The following EYA1 variants were observed in gnomAD, a reference collection of about 807,000 sequenced individuals.
The protein encoded by EYA1 is EYA transcriptional coactivator and phosphatase 1.
A neutral mutation model predicts 82.0 loss-of-function variants in EYA1; 16 were observed. The observed-to-expected ratio is 0.20, with a 90% CI of 0.13 to 0.30. The LOEUF is 0.30. EYA1 is among the 10% of genes least tolerant of loss of function. The pLI is 1.00. For synonymous variants in EYA1, 261 were observed against 264.4 expected (o/e 0.99, Z 0.12); for missense variants, 633 against 730.7 (o/e 0.87, Z 1.54).
rs75980943 is a variant in EYA1 at position 71,435,227 on chromosome 8, G to T, written c.34-78716C>A. Among the ~76,000 whole-genome samples the T allele has an allele frequency of 7.8e-4, 119 of 152,114 alleles. 2 individuals carry two copies. The East Asian group carries it at 0.021, about 27-fold the overall frequency. On this transcript the variant is annotated intron_variant, in intron 2 of 18. Coordinates refer to the EYA1 transcript ENST00000643681. ...ACTCACATGATCCATAATGACAGCT[G>T]CCCCGTGGAATCTCTTACATTGCAA...
intron 3 of EYA1, among the ~76,000 whole-genome samples, chr8:71,352,508 C>T (rs1401179584): frequency 6.6e-6 from 1 of 152,246 alleles, no homozygotes; most frequent in African/African-American, 2.4e-5. Context: ...ACTTCACTTG[C>T]TAACCACCAC....
intron 2 of EYA1, among the ~76,000 whole-genome samples, chr8:71,377,612 C>T (rs1017636914): frequency 1.3e-5 from 2 of 152,106 alleles, no homozygotes; most frequent in African/African-American, 2.4e-5. Flanking sequence ...TACCATTTTA[C>T]ACATTTTTAA....
At chr8:71,498,590 T>C (rs1198685436) in intron 2 of EYA1, among the ~76,000 whole-genome samples, 1 of 152,052 alleles carries the variant, frequency 6.6e-6, no homozygotes, top group Non-Finnish European at 1.5e-5. Flanking sequence ...CAAGACCACA[T>C]GGCTAGACAA....
At chr8:71,457,005 T>C (rs991846402) in intron 2 of EYA1, among the ~76,000 whole-genome samples, 1 of 152,114 alleles carries the variant, frequency 6.6e-6, no homozygotes, top group Non-Finnish European at 1.5e-5. Flanking sequence ...TTTTGCAATC[T>C]ACTCATCTGA....
chr8:71,414,170 T>A (rs887216569), intron 2 of EYA1, among the ~76,000 whole-genome samples: 1 of 152,204 alleles, frequency 6.6e-6, no homozygotes, highest in Non-Finnish European at 1.5e-5. Flanking sequence ...AGTTGGATTC[T>A]GGCTGTCCCA....
intron 9 of EYA1, among the ~76,000 whole-genome samples, chr8:71,283,568 C>G (rs1264003680): frequency 6.6e-6 from 1 of 151,774 alleles, no homozygotes; most frequent in Non-Finnish European, 1.5e-5. Context: ...TGGAGCATCT[C>G]TGGTTCACAC....
chr8:71,356,471 G>C lies in EYA1; in HGVS notation c.-14C>G. ...TCAACAATATCCTTACCTGCAACTT[G>C]AGGAAACAGCAACATCTGAACTGGC... is the stretch of plus-strand genomic sequence containing the variant. On this transcript the variant is annotated 5_prime_UTR_variant, in exon 2 of 18. Coordinates refer to ENST00000340726, the MANE Select transcript of EYA1 (RefSeq NM_000503.6). 1 of 1,585,290 alleles carries C rather than the reference G, an allele frequency of 6.3e-7. No individual in the cohort carries two copies. The highest frequency in any genetic ancestry group is 8.6e-7 in the Non-Finnish European group (1 of 1,164,710).
At chr8:71,207,230 G>A (rs1807904552) in intron 17 of EYA1, among the ~76,000 whole-genome samples, 1 of 152,108 alleles carries the variant, frequency 6.6e-6, no homozygotes, top group Non-Finnish European at 1.5e-5. Context: ...CTCTACTTCT[G>A]TGCAGCACTC....
At chr8:71,499,266 T>C (rs561553542) in intron 2 of EYA1, among the ~76,000 whole-genome samples, 7 of 152,332 alleles carry the variant, frequency 4.6e-5, no homozygotes, top group African/African-American at 1.7e-4. Context: ...ATGACTTCCC[T>C]TTAAACACCT....
At chr8:71,274,225 C>T (rs1816868852) in intron 9 of EYA1, among the ~76,000 whole-genome samples, 1 of 152,172 alleles carries the variant, frequency 6.6e-6, no homozygotes. Context: ...TACACCCACA[C>T]CCGTACCTTG....
At chr8:71,510,108 T>G (rs1303247774) in intron 2 of EYA1, among the ~76,000 whole-genome samples, 1 of 152,046 alleles carries the variant, frequency 6.6e-6, no homozygotes, top group African/African-American at 2.4e-5. Flanking sequence ...GTGACTTACT[T>G]TGGCCAATGA....
intron 6 of EYA1, 150 bp from the exon 7 acceptor site, chr8:71,317,839 A>G (rs1452317272): frequency 4.0e-6 from 3 of 749,920 alleles, no homozygotes; most frequent in Non-Finnish European, 4.7e-6. Context: ...GTGAAATACC[A>G]TAAAGTACAA....
intron 2 of EYA1, among the ~76,000 whole-genome samples, chr8:71,380,919 C>G (rs1025040664): frequency 5.3e-5 from 8 of 152,214 alleles, no homozygotes; most frequent in African/African-American, 1.9e-4. Flanking sequence ...CCTTGCCCAC[C>G]TTGTGTTGCT....
intron 3 of EYA1, among the ~76,000 whole-genome samples, chr8:71,345,883 G>A (rs997849898): frequency 1.3e-5 from 2 of 152,092 alleles, no homozygotes. Flanking sequence ...CACAGCTCCT[G>A]TACAGTTGAA....
chr8:71,398,699 A>T (rs67678248), intron 2 of EYA1, among the ~76,000 whole-genome samples: 1 of 152,102 alleles, frequency 6.6e-6, no homozygotes, highest in Non-Finnish European at 1.5e-5. Context: ...GCTGTCAGTC[A>T]GTCCCTACTG....
At chr8:71,535,752 C>T in exon 2 of EYA1, 1 of 1,520,786 alleles carries the variant, frequency 6.6e-7, no homozygotes, top group Non-Finnish European at 8.8e-7. Context: ...ACAGACTGTC[C>T]ATTTATCCCC....
intron 3 of EYA1, among the ~76,000 whole-genome samples, chr8:71,341,099 T>A (rs1019115274): frequency 6.6e-6 from 1 of 152,224 alleles, no homozygotes; most frequent in Non-Finnish European, 1.5e-5. Context: ...CACATTAGCA[T>A]AAACTATCAA....
At chr8:71,330,925 G>A (rs1204919452) in intron 4 of EYA1, among the ~76,000 whole-genome samples, 2 of 151,780 alleles carry the variant, frequency 1.3e-5, no homozygotes, top group African/African-American at 2.4e-5. Context: ...TGTGTATGAT[G>A]TCTTTTTACT....
intron 2 of EYA1, among the ~76,000 whole-genome samples, chr8:71,500,455 T>G (rs1479008187): frequency 1.3e-5 from 2 of 152,142 alleles, no homozygotes; most frequent in African/African-American, 4.8e-5. Context: ...TTGCAAGCAC[T>G]GCTTTGTCCT....
Sources: gnomAD v4.1 joint callset for allele counts (sites outside exome capture counted in the v4.1 genomes callset) on GRCh38, gnomAD v4.1.1 for gene constraint, MANE v1.5 for transcripts, NCBI Gene and HGNC (gene_info 2026-07-23, HGNC 2026-07-21) for gene names.